Variants in DOCK3 observed in about 807,000 individuals in gnomAD.
DOCK3 encodes the protein dedicator of cytokinesis protein 3.
DOCK3 carries 60 observed loss-of-function variants against 265.6 expected under a neutral mutation model. The ratio of observed to expected loss-of-function variants is 0.23; its 90% CI spans 0.18 to 0.28. DOCK3 has a LOEUF of 0.28. Ranked by LOEUF, DOCK3 falls within the 10% of genes least tolerant of loss-of-function variation. DOCK3 has a pLI of 1.00. For synonymous variants in DOCK3, 881 were observed against 938.0 expected (o/e 0.94, Z 1.11); for missense variants, 1,981 against 2,594.3 (o/e 0.76, Z 5.14).
At chr3:51,277,813 A>G in intron 26 of DOCK3, 59 bp downstream of exon 26, 2 of 1,564,122 alleles carry the variant, frequency 1.3e-6, no homozygotes, top group Non-Finnish European at 1.7e-6. Context: ...CTTCTCCACA[A>G]CACTCCCCCT....
At chr3:50,728,811 C>T (rs2038000706) in intron 1 of DOCK3, among the ~76,000 whole-genome samples, 1 of 151,062 alleles carries the variant, frequency 6.6e-6, no homozygotes, top group Non-Finnish European at 1.5e-5. Flanking sequence ...CAACCTCTGC[C>T]TCCAGAGTTC....
chr3:50,703,060 A>T (rs572495561), intron 1 of DOCK3, among the ~76,000 whole-genome samples: 1 of 152,174 alleles, frequency 6.6e-6, no homozygotes, highest in African/African-American at 2.4e-5. Context: ...AAGGATGCCG[A>T]ATTTTATTGA....
chr3:50,861,801 A>G (rs1335245126), intron 3 of DOCK3, among the ~76,000 whole-genome samples: 1 of 96,848 alleles, frequency 1.0e-5, no homozygotes, highest in Non-Finnish European at 2.1e-5. Flanking sequence ...TTATCCCTTT[A>G]TGTTGAGCCT....
chr3:50,940,626 G>A (rs559299633), intron 5 of DOCK3, among the ~76,000 whole-genome samples: 3 of 151,976 alleles, frequency 2.0e-5, no homozygotes, highest in South Asian at 2.1e-4. Context: ...GAACTAAAAC[G>A]GTTAAACAAT....
At chr3:51,003,020 C>A (rs1034579365) in intron 5 of DOCK3, among the ~76,000 whole-genome samples, 2 of 152,072 alleles carry the variant, frequency 1.3e-5, no homozygotes, top group Non-Finnish European at 2.9e-5. Context: ...AGAGATTACT[C>A]CTTAGATATG....
intron 32 of DOCK3, among the ~76,000 whole-genome samples, chr3:51,319,175 C>A (rs1255769749): frequency 6.6e-6 from 1 of 152,134 alleles, no homozygotes; most frequent in Non-Finnish European, 1.5e-5. Flanking sequence ...TTATGTGCTT[C>A]TCCTATTAAA....
chr3:51,239,238 C>T (rs931189083), intron 21 of DOCK3, among the ~76,000 whole-genome samples: 3 of 42,194 alleles, frequency 7.1e-5, no homozygotes, highest in Non-Finnish European at 1.4e-4. Context: ...GAGACAGAGT[C>T]TCACTCTGTC....
At chr3:51,182,419 C>T (rs1425557027) in intron 12 of DOCK3, among the ~76,000 whole-genome samples, 2 of 152,178 alleles carry the variant, frequency 1.3e-5, no homozygotes, top group East Asian at 3.9e-4. Context: ...AGGTATCAGA[C>T]TTATTCCCTG....
At chr3:50,729,478 C>T (rs1416106559) in intron 1 of DOCK3, among the ~76,000 whole-genome samples, 1 of 151,534 alleles carries the variant, frequency 6.6e-6, no homozygotes, top group Non-Finnish European at 1.5e-5. Context: ...CATGCTGGTG[C>T]GCTGCACCCA....
intron 1 of DOCK3, among the ~76,000 whole-genome samples, chr3:50,716,527 C>CA (rs1193099771): frequency 2.8e-5 from 4 of 143,114 alleles, no homozygotes; most frequent in South Asian, 2.2e-4. Flanking sequence ...GACTCCGTCT[C>CA]AAAAAAAAAC....
chr3:50,989,658 C>A (rs930854418), intron 5 of DOCK3, among the ~76,000 whole-genome samples: 1 of 140,190 alleles, frequency 7.1e-6, no homozygotes, highest in Non-Finnish European at 1.6e-5. Flanking sequence ...TGACTGTACT[C>A]AATCTACACA....
chr3:51,118,529 C>T (rs921068667), intron 9 of DOCK3, among the ~76,000 whole-genome samples: 1 of 152,094 alleles, frequency 6.6e-6, no homozygotes, highest in Non-Finnish European at 1.5e-5. Flanking sequence ...TTTTCTGTCT[C>T]GTTGATCTGT....
chr3:51,272,407 G>A lies in DOCK3; in HGVS notation c.2548+1400G>A, dbSNP rs553146490. Among the ~76,000 whole-genome samples, 176 of 149,128 alleles carry A rather than the reference G, an allele frequency of 1.2e-3. 1 individual carries two copies. Among genetic ancestry groups the A allele is most frequent in the African/African-American group, 3.8e-3 (154 of 40,482 alleles). On this transcript the variant is annotated intron_variant, in intron 24 of 52. Transcript: ENST00000266037. The stretch of plus-strand genomic sequence containing the variant: ...TTCTCCTGCCTCAGCCTCCCAAGTA[G>A]TTGGGACTACAGGCATGCACCACCA...
intron 1 of DOCK3, among the ~76,000 whole-genome samples, chr3:50,765,616 T>A (rs1447196276): frequency 1.3e-5 from 2 of 152,156 alleles, no homozygotes; most frequent in Non-Finnish European, 2.9e-5. Context: ...AAAAAATTAA[T>A]TTTTAAAGTT....
chr3:51,010,855 A>T (rs1238844912), intron 5 of DOCK3, among the ~76,000 whole-genome samples: 1 of 151,990 alleles, frequency 6.6e-6, no homozygotes, highest in East Asian at 1.9e-4. Context: ...TCTGTAAAGG[A>T]TTTTATTTCT....
intron 5 of DOCK3, among the ~76,000 whole-genome samples, chr3:50,968,781 C>G (rs2077108338): frequency 6.6e-6 from 1 of 152,148 alleles, no homozygotes; most frequent in East Asian, 1.9e-4. Flanking sequence ...ATCTTTTGAC[C>G]TCAAGTGATC....
At chr3:50,986,118 A>C (rs977219780) in intron 5 of DOCK3, among the ~76,000 whole-genome samples, 5 of 152,114 alleles carry the variant, frequency 3.3e-5, no homozygotes, top group Non-Finnish European at 5.9e-5. Flanking sequence ...TATTATGTTT[A>C]ATTAACATTT....
At chr3:51,078,729 G>T (rs1450167104) in intron 7 of DOCK3, among the ~76,000 whole-genome samples, 1 of 152,064 alleles carries the variant, frequency 6.6e-6, no homozygotes, top group Non-Finnish European at 1.5e-5. Context: ...GAAAATTTTG[G>T]TCACTCAGAG....
chr3:51,356,824 G>T, intron 43 of DOCK3, 138 bp from the exon 44 acceptor site: 1 of 1,022,116 alleles, frequency 9.8e-7, no homozygotes, highest in East Asian at 2.6e-5. Context: ...AACAGAAGTG[G>T]AAAGGGTCCA....
Sources: gnomAD v4.1 joint callset for allele counts (sites outside exome capture counted in the v4.1 genomes callset) on GRCh38, gnomAD v4.1.1 for gene constraint, MANE v1.5 for transcripts, NCBI Gene and HGNC (gene_info 2026-07-23, HGNC 2026-07-21) for gene names.